Variants in PRDM1 observed in about 807,000 individuals in gnomAD.
PRDM1 encodes the protein PR domain zinc finger protein 1.
A neutral mutation model predicts 62.8 loss-of-function variants in PRDM1; 13 were observed. The observed-to-expected ratio is 0.21, with a 90% confidence interval of 0.13 to 0.33. The LOEUF is 0.33. PRDM1 is among the 10% of genes least tolerant of loss of function. PRDM1 has a pLI of 1.00. For synonymous variants in PRDM1, 396 were observed against 417.6 expected, an observed-to-expected ratio of 0.95 and a Z score of 0.63; for missense variants, 895 against 1,058.8, an observed-to-expected ratio of 0.85 and a Z score of 2.15.
Position 106,108,655 on chromosome 6 carries a change from A to AT in PRDM1, c.*1170dup, listed in dbSNP as rs1774590093. On this transcript the variant is annotated 3_prime_UTR_variant, in exon 7 of 7. Transcript: ENST00000369096. The stretch of plus-strand genomic sequence containing the variant: ...ACAACAAAAAACGGGTATTCTAGTC[A>AT]TCTTGGGGTAAAAGCGGGTAATGAA... 8.6e-6 allele frequency: 2 copies of AT among 233,062 alleles called. No individual in the cohort carries two copies. Among genetic ancestry groups the AT allele is most frequent in the Non-Finnish European group, 1.7e-5 (2 of 117,972 alleles). The allele number at this position is 233,062 out of a possible 1,614,324, so 14.4% of individuals were successfully genotyped here. A position where few individuals can be genotyped will look rare whatever the true frequency, so the allele number is the denominator to read the frequency against.
rs926688107 is a variant in PRDM1, at chr6:106,105,475, C to T, written c.1315C>T (p.Leu439Phe). Reference sequence around the variant, plus strand: ...CATGAATGGCATCAACAACTTTGGCCTCTTCCCGAGGCTGTGCCCTGTCTA... The same window carrying T: ...CATGAATGGCATCAACAACTTTGGCTTCTTCCCGAGGCTGTGCCCTGTCTA... ...SSMNGINNFGLFPRLCPVYSN... is the reference protein window; with the variant it reads ...SSMNGINNFGFFPRLCPVYSN... Residue 439 changes from leucine to phenylalanine, a missense_variant, in exon 5 of 7, where the codon CTC (leucine) becomes TTC (phenylalanine). Leu to Phe is a conservative substitution (Grantham distance 22, BLOSUM62 0). Transcript: ENST00000369096. 1.2e-6 allele frequency: 2 copies of T among 1,613,994 alleles called. No individual in the cohort carries two copies. Among genetic ancestry groups the T allele is most frequent in the Admixed American group, 1.7e-5 (1 of 60,012 alleles).
intron 1 of PRDM1, among the ~76,000 whole-genome samples, chr6:106,019,634 TTTC>T (rs1292958262): frequency 2.0e-5 from 3 of 150,328 alleles, no homozygotes; most frequent in African/African-American, 7.3e-5. Context: ...ATTTTTTTCT[TTTC>T]TTTTTTTTTT....
chr6:106,019,637 C>CTTTTTT (rs754946092), intron 1 of PRDM1, among the ~76,000 whole-genome samples: 5 of 132,920 alleles, frequency 3.8e-5, no homozygotes, highest in Admixed American at 7.5e-5. Context: ...TTTTTCTTTT[C>CTTTTTT]TTTTTTTTTT....
chr6:106,103,293 T>G (rs1010885410), intron 4 of PRDM1, among the ~76,000 whole-genome samples: 2 of 152,090 alleles, frequency 1.3e-5, no homozygotes, highest in African/African-American at 4.8e-5. Flanking sequence ...GAGAATACAT[T>G]TAAAGGGTTC....
intron 1 of PRDM1, among the ~76,000 whole-genome samples, chr6:106,065,552 A>T (rs1171882931): frequency 6.6e-6 from 1 of 152,194 alleles, no homozygotes; most frequent in Non-Finnish European, 1.5e-5. Context: ...AGTAATGTTC[A>T]GGTTATCGTA....
chr6:106,039,926 A>G (rs999779850), intron 1 of PRDM1, among the ~76,000 whole-genome samples: 4 of 152,198 alleles, frequency 2.6e-5, no homozygotes, highest in African/African-American at 9.7e-5. Context: ...TTCCTAGTAA[A>G]GGTTTGCCAG....
intron 1 of PRDM1, among the ~76,000 whole-genome samples, chr6:106,071,078 C>T (rs1189092261): frequency 1.3e-5 from 2 of 152,134 alleles, no homozygotes; most frequent in African/African-American, 4.8e-5. Flanking sequence ...CAAGACCAGC[C>T]TGGCCAACAT....
At chr6:106,082,652 G>A (rs1014340760), upstream of PRDM1, among the ~76,000 whole-genome samples, 2 of 152,200 alleles carry the variant, frequency 1.3e-5, no homozygotes, top group South Asian at 4.2e-4. Flanking sequence ...TCATTCCTAG[G>A]GTGGGAAGGG....
intron 1 of PRDM1, among the ~76,000 whole-genome samples, chr6:106,035,820 C>T (rs1472884365): frequency 6.9e-6 from 1 of 145,182 alleles, no homozygotes; most frequent in East Asian, 1.9e-4. Flanking sequence ...CTAATTCAGT[C>T]TGCCAATCTT....
rs147729757 is a variant in PRDM1 at position 106,076,730 on chromosome 6, A to G, written c.-66-11471A>G. Among the ~76,000 whole-genome samples the G allele has an allele frequency of 4.1e-3, 622 of 152,294 alleles. 2 individuals are homozygous for G. The highest frequency in any genetic ancestry group is 0.01 in the Middle Eastern group (3 of 294). ...TATATGCAAAATGGTTGCATAACTT[A>G]TTTATCTTTGTTTTAAACTACTCTG... On this transcript the variant is annotated intron_variant, in intron 1 of 6. Transcript: ENST00000651185.
intron 1 of PRDM1, among the ~76,000 whole-genome samples, chr6:106,031,122 C>A (rs1257804978): frequency 6.6e-6 from 1 of 151,090 alleles, no homozygotes; most frequent in African/African-American, 2.4e-5. Context: ...GTTTGGCATT[C>A]TGGTAAGTTT....
intron 1 of PRDM1, among the ~76,000 whole-genome samples, chr6:106,079,399 A>G (rs1773658370): frequency 6.6e-6 from 1 of 152,260 alleles, no homozygotes; most frequent in African/African-American, 2.4e-5. Flanking sequence ...TGTTTCATCT[A>G]TCCCAACCCC....
intron 1 of PRDM1, among the ~76,000 whole-genome samples, chr6:106,011,787 T>A (rs1480167758): frequency 6.6e-6 from 1 of 151,918 alleles, no homozygotes; most frequent in Admixed American, 6.6e-5. Context: ...TTACTCTCAG[T>A]CAGCCTCCTG....
In PRDM1 at chr6:106,099,527, C is replaced by A. The variant is rs146557915; in HGVS notation, c.639C>A (p.Pro213=). 6.2e-7 allele frequency: 1 copy of A among 1,613,982 alleles called. No homozygotes were observed. The highest frequency in any genetic ancestry group is 1.3e-5 in the African/African-American group (1 of 74,962). ...CAGAAAGGCTTCACTACCCTTATCC[C>A]GGAGAGCTGACAATGATGAATCTCA... ...DFAERLHYPY[P]GELTMMNLTQ... The change falls in exon 4 of 7, where the codon CCC becomes CCA. Residue 213 remains proline, a synonymous_variant. Transcript: ENST00000369096.
At chr6:106,005,434 C>T (rs995762110) in intron 1 of PRDM1, among the ~76,000 whole-genome samples, 3 of 152,186 alleles carry the variant, frequency 2.0e-5, no homozygotes, top group Admixed American at 6.5e-5. Context: ...TGTTTAATTT[C>T]AAGAGAACTT....
chr6:106,053,009 C>T (rs79192120), intron 1 of PRDM1, among the ~76,000 whole-genome samples: 157 of 151,826 alleles, frequency 1.0e-3, no homozygotes, highest in Non-Finnish European at 6.0e-4. Context: ...AAATTAAAAC[C>T]TAAAAAAACC....
chr6:106,039,688 C>T (rs1414571982), intron 1 of PRDM1, among the ~76,000 whole-genome samples: 2 of 151,970 alleles, frequency 1.3e-5, no homozygotes, highest in Admixed American at 6.6e-5. Flanking sequence ...TAATTTTACC[C>T]CTGATGTGTT....
intron 1 of PRDM1, among the ~76,000 whole-genome samples, chr6:106,023,096 C>T (rs1772718425): frequency 6.6e-6 from 1 of 152,148 alleles, no homozygotes; most frequent in African/African-American, 2.4e-5. Context: ...CAGTGTTCTG[C>T]TCTGGTGCTT....
chr6:106,073,590 G>C (rs1773555453), intron 1 of PRDM1, among the ~76,000 whole-genome samples: 1 of 152,204 alleles, frequency 6.6e-6, no homozygotes, highest in Non-Finnish European at 1.5e-5. Flanking sequence ...CCTAGGTAAT[G>C]TGTGGCTAAG....
Sources: allele counts gnomAD v4.1 joint callset (sites outside exome capture counted in the v4.1 genomes callset), GRCh38; gene constraint gnomAD v4.1.1; transcripts MANE v1.5; gene names NCBI Gene and HGNC (gene_info 2026-07-23, HGNC 2026-07-21).